The following PTPRM variants were observed in gnomAD, a reference collection of about 807,000 sequenced individuals.
PTPRM encodes protein tyrosine phosphatase receptor type M, also known as receptor-type tyrosine-protein phosphatase mu.
Under a neutral mutation model 186.7 loss-of-function variants are expected in PTPRM, and 47 were observed. The ratio of observed to expected loss-of-function variants is 0.25; its 90% CI spans 0.20 to 0.32. The LOEUF (loss-of-function observed/expected upper bound fraction) is 0.32. Ranked by LOEUF, PTPRM falls within the 10% of genes least tolerant of loss-of-function variation. PTPRM has a pLI of 1.00. For synonymous variants in PTPRM, 668 were observed against 674.9 expected, an observed-to-expected ratio of 0.99 and a Z score of 0.16; for missense variants, 1,494 against 1,865.0, an observed-to-expected ratio of 0.80 and a Z score of 3.66.
chr18:8,085,481 A>G (rs2090384611), intron 9 of PTPRM, among the ~76,000 whole-genome samples, 190 bp from the exon 10 acceptor site: 1 of 152,152 alleles, frequency 6.6e-6, no homozygotes, highest in African/African-American at 2.4e-5. Flanking sequence ...TCCCCTGTCT[A>G]TAAAAGTAAT....
chr18:8,237,016 A>G (rs920704525), intron 14 of PTPRM, among the ~76,000 whole-genome samples: 50 of 151,684 alleles, frequency 3.3e-4, no homozygotes, highest in Middle Eastern at 3.2e-3. Flanking sequence ...CTTCTTTATT[A>G]GTTTAATGTT....
At chr18:8,198,547 A>G (rs2093810903) in intron 14 of PTPRM, among the ~76,000 whole-genome samples, 1 of 152,246 alleles carries the variant, frequency 6.6e-6, no homozygotes, top group East Asian at 1.9e-4. Context: ...CTAAGAAATC[A>G]GATGGGATCA....
intron 13 of PTPRM, among the ~76,000 whole-genome samples, chr18:8,137,600 T>G (rs2092666900): frequency 6.6e-6 from 1 of 152,134 alleles, no homozygotes; most frequent in Non-Finnish European, 1.5e-5. Context: ...GTTCCTTATT[T>G]ACTAAATTTA....
chr18:7,662,884 TAAA>T (rs1373733101), intron 1 of PTPRM, among the ~76,000 whole-genome samples: 2 of 152,156 alleles, frequency 1.3e-5, no homozygotes, highest in African/African-American at 4.8e-5. Context: ...AATTAAGAAT[TAAA>T]AAAGATATAT....
chr18:8,361,305 A>G (rs72906453), intron 23 of PTPRM, among the ~76,000 whole-genome samples: 4,232 of 152,274 alleles, frequency 0.028, 84 homozygotes, highest in South Asian at 0.071. Flanking sequence ...GATACAGACC[A>G]TAAAGCATTG....
chr18:7,715,892 A>G (rs895149078), intron 1 of PTPRM, among the ~76,000 whole-genome samples: 1 of 152,222 alleles, frequency 6.6e-6, no homozygotes, highest in Admixed American at 6.5e-5. Flanking sequence ...TTCCATGTTC[A>G]TGGATAAGAA....
intron 1 of PTPRM, among the ~76,000 whole-genome samples, chr18:7,578,109 T>G (rs1426742187): frequency 6.6e-6 from 1 of 152,080 alleles, no homozygotes; most frequent in Non-Finnish European, 1.5e-5. Flanking sequence ...CTTGGGTGTG[T>G]TATTTCATTT....
chr18:7,988,173 A>T (rs532516903), intron 7 of PTPRM, among the ~76,000 whole-genome samples: 1 of 152,094 alleles, frequency 6.6e-6, no homozygotes, highest in East Asian at 1.9e-4. Context: ...TGACAGACCT[A>T]GGGGATCTGT....
chr18:8,127,918 C>T (rs1165899410), intron 13 of PTPRM, among the ~76,000 whole-genome samples: 1 of 152,078 alleles, frequency 6.6e-6, no homozygotes, highest in East Asian at 1.9e-4. Context: ...TTAAGACCAA[C>T]ATAAACAGTT....
chr18:7,902,721 G>C (rs972191422), intron 3 of PTPRM, among the ~76,000 whole-genome samples: 1 of 151,998 alleles, frequency 6.6e-6, no homozygotes, highest in African/African-American at 2.4e-5. Flanking sequence ...GGACTAAAAG[G>C]CTCAGAATTT....
intron 22 of PTPRM, among the ~76,000 whole-genome samples, chr18:8,332,447 T>A (rs2148170731): frequency 6.6e-6 from 1 of 152,326 alleles, no homozygotes; most frequent in African/African-American, 2.4e-5. Context: ...GAAACAAACA[T>A]TCCATGAAAC....
At chr18:8,390,361 G>A (rs971435507) in intron 31 of PTPRM, among the ~76,000 whole-genome samples, 1 of 152,196 alleles carries the variant, frequency 6.6e-6, no homozygotes, top group African/African-American at 2.4e-5. Flanking sequence ...TCACGACCGC[G>A]GGTAGATTTG....
chr18:7,892,503 GA>G (rs1164875399), intron 3 of PTPRM, among the ~76,000 whole-genome samples: 32 of 152,240 alleles, frequency 2.1e-4, no homozygotes, highest in African/African-American at 6.3e-4. Context: ...TCCCAATTGT[GA>G]ACTTTTCTGC....
intron 1 of PTPRM, among the ~76,000 whole-genome samples, chr18:7,739,834 G>A (rs1376513536): frequency 1.3e-5 from 2 of 152,132 alleles, no homozygotes; most frequent in Non-Finnish European, 2.9e-5. Context: ...ACAGCTATAG[G>A]TAATGTCTTT....
intron 11 of PTPRM, among the ~76,000 whole-genome samples, chr18:8,094,066 A>G (rs910978313): frequency 2.0e-5 from 3 of 152,186 alleles, no homozygotes; most frequent in Non-Finnish European, 2.9e-5. Flanking sequence ...CAAGAGTTTG[A>G]TCCTGGCTTA....
At chr18:7,886,841 A>G (rs2048812510) in intron 2 of PTPRM, among the ~76,000 whole-genome samples, 1 of 152,226 alleles carries the variant, frequency 6.6e-6, no homozygotes, top group Admixed American at 6.5e-5. Context: ...GGTGAAGGAT[A>G]TCTACATCTG....
chr18:7,868,692 G>T (rs1458264597), intron 2 of PTPRM, among the ~76,000 whole-genome samples: 1 of 152,250 alleles, frequency 6.6e-6, no homozygotes, highest in African/African-American at 2.4e-5. Context: ...CCCACTTGAA[G>T]AGGTAGTCTG....
intron 14 of PTPRM, among the ~76,000 whole-genome samples, chr18:8,242,268 G>A (rs2094440457): frequency 6.6e-6 from 1 of 152,218 alleles, no homozygotes. Context: ...CATTTTGCCT[G>A]AATTATGGAG....
At chr18:8,070,550 A>G (rs1274262938) in intron 8 of PTPRM, among the ~76,000 whole-genome samples, 1 of 152,196 alleles carries the variant, frequency 6.6e-6, no homozygotes. Context: ...TTAATAAACA[A>G]CTACTTTACA....
Sources: allele counts gnomAD v4.1 joint callset (sites outside exome capture counted in the v4.1 genomes callset), GRCh38; gene constraint gnomAD v4.1.1; transcripts MANE v1.5; gene names NCBI Gene and HGNC (gene_info 2026-07-23, HGNC 2026-07-21).